CCAR1: variants seen among roughly 807,000 people sequenced by gnomAD.
CCAR1 encodes cell division cycle and apoptosis regulator protein 1.
A neutral mutation model predicts 163.8 loss-of-function variants in CCAR1; 78 were observed. That is an observed-to-expected ratio of 0.48 (90% CI 0.40 to 0.57). CCAR1 has a LOEUF of 0.57. Among genes scored for constraint, CCAR1 ranks in the 20% least tolerant of loss-of-function variants. The pLI is 0.00. For synonymous variants in CCAR1, 443 were observed against 460.7 expected (o/e 0.96, Z 0.49); for missense variants, 1,019 against 1,365.2 (o/e 0.75, Z 4.00).
chr10:68,740,297 T>G (rs1293883804), intron 4 of CCAR1, among the ~76,000 whole-genome samples: 1 of 152,214 alleles, frequency 6.6e-6, no homozygotes, highest in East Asian at 1.9e-4. Flanking sequence ...ATGAGTTACT[T>G]ACATATGAGG....
chr10:68,782,549 A>G (rs973301329), intron 19 of CCAR1, among the ~76,000 whole-genome samples: 5 of 152,224 alleles, frequency 3.3e-5, no homozygotes, highest in Non-Finnish European at 7.3e-5. Context: ...TGAAGATGCC[A>G]TCTTAAGACT....
At chr10:68,769,833 G>A (rs556538456) in intron 17 of CCAR1, among the ~76,000 whole-genome samples, 21 of 149,570 alleles carry the variant, frequency 1.4e-4, no homozygotes, top group African/African-American at 5.2e-4. Flanking sequence ...CCCAGCTACT[G>A]GGGAGGCTGA....
At chr10:68,771,514 T>G in intron 18 of CCAR1, 69 bp downstream of exon 18, 1 of 1,352,166 alleles carries the variant, frequency 7.4e-7, no homozygotes, top group Non-Finnish European at 1.0e-6. Flanking sequence ...GATGTTGATT[T>G]CCATCAGAAT....
chr10:68,789,867 C>A lies in CCAR1; in HGVS notation c.3345C>A (p.Ile1115=). 1 of 1,603,346 alleles carries A rather than the reference C, an allele frequency of 6.2e-7. No individual in the cohort carries two copies. Among genetic ancestry groups the A allele is most frequent in the East Asian group, 2.2e-5 (1 of 44,684 alleles). The change falls in exon 24 of 25, where the codon ATC becomes ATA. Residue 1115 remains isoleucine, a synonymous_variant. Coordinates refer to ENST00000265872, the MANE Select transcript of CCAR1 (RefSeq NM_018237.4). ...TTGAAAACCAAATGAATAAGACAAT[C>A]AGAAACTTATCTACGGTAATGGATG... ...LQFENQMNKT[I]RNLSTVMDEI... is the part of the protein sequence containing the mutation.
Position 68,786,119 on chromosome 10 carries a change from T to G in CCAR1, c.2651-17T>G, listed in dbSNP as rs2056792431. 3 of 1,572,978 alleles carry G rather than the reference T, an allele frequency of 1.9e-6. No homozygotes were observed. In the East Asian group the frequency reaches 6.7e-5, roughly 35 times the overall value. ...TGTATTAATGACTTTTTTGCCACTGTTATATTTATTTTACAGATAGGGATG... is the reference window on the plus strand; with the variant it reads ...TGTATTAATGACTTTTTTGCCACTGGTATATTTATTTTACAGATAGGGATG... On this transcript the variant is annotated splice_polypyrimidine_tract_variant and intron_variant, in intron 19 of 24. Transcript: ENST00000265872.
In CCAR1 at chr10:68,756,308, A is replaced by C; in HGVS notation, c.1661A>C (p.Glu554Ala). The change falls in exon 14 of 25, where the codon GAG becomes GCG. Residue 554 changes from glutamate to alanine, a missense_variant. Around this residue, in one of 4 missense-constraint regions of CCAR1, gnomAD observed 644 missense variants for 904.4 expected, o/e 0.71. Coordinates refer to ENST00000265872, the MANE Select transcript of CCAR1 (RefSeq NM_018237.4). This position sits in a 1 kb window ranked among gnomAD's most constrained non-coding sequence, Gnocchi z 5.1. ...RFAEIRYHRP[E>A]ETHKGRTVPA... Reference sequence around the variant, plus strand: ...GCAGAGATTCGCTACCATCGCCCTGAGGAGACCCACAAGGGGCGTACAGTT... The same window carrying C: ...GCAGAGATTCGCTACCATCGCCCTGCGGAGACCCACAAGGGGCGTACAGTT... 6.2e-7 allele frequency: 1 copy of C among 1,614,064 alleles called. No individual in the cohort carries two copies. The highest frequency in any genetic ancestry group is 8.5e-7 in the Non-Finnish European group (1 of 1,179,992).
At position 68,754,734 on chromosome 10, in the gene CCAR1, T is replaced by C. The variant is rs753535500; in HGVS notation, c.1365T>C (p.Pro455=). Reference sequence around the variant, plus strand: ...AATAGGTAATGCTGATGGCTAGCCCTAGTATGGAAGATTTATATCATAAGT... The same window carrying C: ...AATAGGTAATGCTGATGGCTAGCCCCAGTATGGAAGATTTATATCATAAGT... The part of the protein sequence containing the change: ...YSAKVMLMAS[P]SMEDLYHKSC... Residue 455 remains proline, a synonymous_variant, in exon 12 of 25, where the codon CCT becomes CCC. Transcript: ENST00000265872. 42 of 1,604,674 alleles carry C rather than the reference T, an allele frequency of 2.6e-5. No homozygotes were observed. Among genetic ancestry groups the C allele is most frequent in the Non-Finnish European group, 3.2e-5 (38 of 1,171,800 alleles).
rs143520178 is a variant in CCAR1, at chr10:68,736,557, C to T, written c.74-319C>T. On this transcript the variant is annotated intron_variant, in intron 2 of 24. Transcript: ENST00000265872. Reference sequence around the variant, plus strand: ...CTCTTAGTTTGACTTTCTTATACTCCAAATTTGAGATCATGCAATACTCTT... The same window carrying T: ...CTCTTAGTTTGACTTTCTTATACTCTAAATTTGAGATCATGCAATACTCTT... Among the ~76,000 whole-genome samples, 1,204 of 152,204 alleles carry T rather than the reference C, an allele frequency of 7.9e-3. 16 individuals carry two copies. The highest frequency in any genetic ancestry group is 0.028 in the African/African-American group (1,142 of 41,524).
chr10:68,755,571 T>C, intron 13 of CCAR1, 35 bp downstream of exon 13: 5 of 1,561,366 alleles, frequency 3.2e-6, no homozygotes, highest in Non-Finnish European at 4.4e-6. Flanking sequence ...TAGAAGTGTT[T>C]TACTGATAGT....
chr10:68,788,396 GTACA>G (rs2056818942), intron 23 of CCAR1, 68 bp downstream of exon 23: 1 of 1,095,756 alleles, frequency 9.1e-7, no homozygotes, highest in African/African-American at 1.6e-5. Context: ...GTTTATGTGT[GTACA>G]TACATATATA....
rs182658685 is a variant in CCAR1 at position 68,728,471 on chromosome 10, G to A, written c.73+5894G>A. Among the ~76,000 whole-genome samples the A allele has an allele frequency of 2.7e-3, 417 of 152,084 alleles. 3 individuals carry two copies. Among genetic ancestry groups the A allele is most frequent in the African/African-American group, 9.4e-3 (389 of 41,486 alleles). On this transcript the variant is annotated intron_variant, in intron 2 of 24. Coordinates refer to ENST00000265872, the MANE Select transcript of CCAR1 (RefSeq NM_018237.4). ...AGGGATCACTCAGCCTATGAATGGT[G>A]TCTTCAACTGCCTAAGGGGATTGGC...
chr10:68,739,933 C>T (rs1589159416), intron 4 of CCAR1, among the ~76,000 whole-genome samples: 1 of 152,258 alleles, frequency 6.6e-6, no homozygotes, highest in Middle Eastern at 3.4e-3. Flanking sequence ...TAAAATTTCT[C>T]CTTTCATACT....
rs1466522213 is a variant in CCAR1 at position 68,754,505 on chromosome 10, A to G, written c.1345-209A>G. On this transcript the variant is annotated intron_variant, in intron 11 of 24. Transcript: ENST00000265872. ...CTTCAAAAGTTAAAACTAAGTAATT[A>G]TAAGGTATCTAGGCCTGGCGTGGTG... 5.3e-5 allele frequency among the ~76,000 whole-genome samples: 8 copies of G among 152,226 alleles called. No individual in the cohort carries two copies. In the East Asian group the frequency reaches 1.5e-3, roughly 29 times the overall value.
At chr10:68,729,030 TATG>T (rs1174396045) in intron 2 of CCAR1, among the ~76,000 whole-genome samples, 1 of 152,022 alleles carries the variant, frequency 6.6e-6, no homozygotes, top group Non-Finnish European at 1.5e-5. Context: ...CTTTGTATAA[TATG>T]ATACCCACTA....
intron 15 of CCAR1, chr10:68,759,204 A>G (rs2056438058): frequency 6.6e-6 from 1 of 152,240 alleles, no homozygotes; most frequent in South Asian, 2.1e-4. Flanking sequence ...ACTTCAGTCT[A>G]GGAGTTTGAG....
At chr10:68,757,467 T>TCTA in intron 15 of CCAR1, 90 bp downstream of exon 15, 1 of 690,044 alleles carries the variant, frequency 1.4e-6, no homozygotes, top group Non-Finnish European at 2.5e-6. Flanking sequence ...CAGGCTGGAG[T>TCTA]GTAGTGGCGC....
Position 68,749,598 on chromosome 10 carries a change from C to T in CCAR1, c.1031C>T (p.Pro344Leu). The part of the protein sequence containing the change: ...PQRKRSRERS[P>L]RRERERSPRR... Reference sequence around the variant, plus strand: ...AGGAAACGTTCCCGGGAAAGATCTCCACGAAGAGAGCGAGAGCGATCACCT... The same window carrying T: ...AGGAAACGTTCCCGGGAAAGATCTCTACGAAGAGAGCGAGAGCGATCACCT... Residue 344 changes from proline (P) to leucine (L), a missense_variant, in exon 10 of 25, where the codon CCA (proline) becomes CTA (leucine). Physicochemically the swap from Pro to Leu is moderately conservative, Grantham distance 98. This residue lies in a region of CCAR1 where 644 missense variants were observed against 904.4 expected (regional missense o/e 0.71). Coordinates refer to ENST00000265872, the MANE Select transcript of CCAR1 (RefSeq NM_018237.4). 1 of 1,613,896 alleles carries T rather than the reference C, an allele frequency of 6.2e-7. No individual in the cohort carries two copies. Among genetic ancestry groups the T allele is most frequent in the Non-Finnish European group, 8.5e-7 (1 of 1,179,822 alleles).
rs2056119169 is a variant in CCAR1, at chr10:68,736,954, C to T, written c.152C>T (p.Ala51Val). 2 of 1,614,058 alleles carry T rather than the reference C, an allele frequency of 1.2e-6. No homozygotes were observed. The highest frequency in any genetic ancestry group is 1.6e-4 in the Middle Eastern group (1 of 6,062). Residue 51 changes from alanine (A) to valine (V), a missense_variant, in exon 3 of 25, where the codon GCA (alanine) becomes GTA (valine). By Grantham distance (64) the Ala-to-Val change is moderately conservative. This residue lies in a region of CCAR1 where 644 missense variants were observed against 904.4 expected (regional missense o/e 0.71). Transcript: ENST00000265872. ...IYTQQTALAA[A>V]GLTTQTPANY... ...ACACAGCAAACTGCATTGGCAGCAG[C>T]AGGCCTTACCACACAAACTCCAGCA...
At chr10:68,728,196 G>C (rs537148846) in intron 2 of CCAR1, among the ~76,000 whole-genome samples, 2 of 152,174 alleles carry the variant, frequency 1.3e-5, no homozygotes, top group African/African-American at 2.4e-5. Context: ...ATATTTACAT[G>C]TGTATCTGTA....
Sources: gnomAD v4.1 joint callset for allele counts (sites outside exome capture counted in the v4.1 genomes callset) on GRCh38, gnomAD v4.1.1 for gene constraint, gnomAD v4.1.1 regional missense constraint, Gnocchi (gnomAD v3.1) non-coding constraint, MANE v1.5 for transcripts, NCBI Gene and HGNC (gene_info 2026-07-23, HGNC 2026-07-21) for gene names.